The following SVIL variants were observed in gnomAD, a reference collection of about 807,000 sequenced individuals.
SVIL encodes supervillin.
SVIL carries 101 observed loss-of-function variants against 240.4 expected under a neutral mutation model. That is an observed-to-expected ratio of 0.42 (90% CI 0.36 to 0.50). SVIL has a LOEUF of 0.50. Ranked by LOEUF, SVIL falls within the 20% of genes least tolerant of loss-of-function variation. The pLI is 0.01. For synonymous variants in SVIL, 999 were observed against 1,100.0 expected, an observed-to-expected ratio of 0.91 and a Z score of 1.82; for missense variants, 2,512 against 2,818.7, an observed-to-expected ratio of 0.89 and a Z score of 2.46.
chr10:29,582,307 T>C (rs1245329935), intron 1 of SVIL, among the ~76,000 whole-genome samples: 1 of 152,190 alleles, frequency 6.6e-6, no homozygotes, highest in African/African-American at 2.4e-5. Flanking sequence ...GCTGAGCACC[T>C]GGAGAACAGC....
At position 29,533,244 on chromosome 10, in the gene SVIL, G is replaced by A; in HGVS notation, c.1123C>T (p.His375Tyr). 1 of 1,614,134 alleles carries A rather than the reference G, an allele frequency of 6.2e-7. No homozygotes were observed. The highest frequency in any genetic ancestry group is 8.5e-7 in the Non-Finnish European group (1 of 1,180,034). ...RGYVQPADTG[H>Y]TAKLVTPETP... ...TCTGGCGTCACTAGCTTGGCGGTGT[G>A]ACCGGTATCTGCGGGTTGGACATAG... Residue 375 changes from histidine to tyrosine, a missense_variant, in exon 8 of 38, where the codon CAC becomes TAC. Coordinates refer to ENST00000355867, the MANE Select transcript of SVIL (RefSeq NM_021738.3).
At chr10:29,595,440 C>T (rs562143867) in intron 1 of SVIL, among the ~76,000 whole-genome samples, 36 of 152,284 alleles carry the variant, frequency 2.4e-4, no homozygotes, top group Admixed American at 4.6e-4. Flanking sequence ...CAGAAAGGCA[C>T]GTGCCCAGTG....
intron 3 of SVIL, among the ~76,000 whole-genome samples, chr10:29,654,386 T>C (rs1374351896): frequency 6.6e-6 from 1 of 152,236 alleles, no homozygotes; most frequent in Non-Finnish European, 1.5e-5. Context: ...ATTAATCTTA[T>C]GTCCTGCAAT....
At chr10:29,519,488 A>G (rs1950429933) in intron 16 of SVIL, among the ~76,000 whole-genome samples, 1 of 152,236 alleles carries the variant, frequency 6.6e-6, no homozygotes. Context: ...ATGGAGGAAT[A>G]ACATTCTTAT....
At chr10:29,646,274 C>G (rs1216179123) in intron 3 of SVIL, among the ~76,000 whole-genome samples, 1 of 152,192 alleles carries the variant, frequency 6.6e-6, no homozygotes, top group East Asian at 1.9e-4. Flanking sequence ...GTTCCACATG[C>G]CTGAATTGGT....
chr10:29,474,323 T>C (rs1490475977), intron 29 of SVIL, among the ~76,000 whole-genome samples: 1 of 152,182 alleles, frequency 6.6e-6, no homozygotes, highest in Non-Finnish European at 1.5e-5. Context: ...AAATATTTGG[T>C]GAGGCCAGGT....
At chr10:29,538,148 A>G (rs1414440323) in intron 6 of SVIL, among the ~76,000 whole-genome samples, 1 of 152,228 alleles carries the variant, frequency 6.6e-6, no homozygotes, top group African/African-American at 2.4e-5. Context: ...GTTTAGGCTG[A>G]ATGCTTTCTG....
At position 29,552,917 on chromosome 10, in the gene SVIL, C is replaced by T. The variant is rs553015086; in HGVS notation, c.161-1654G>A. ...ACATATACTACACAGATTACCATTT[C>T]GGGTACACTACGGTTTATTTCTGGC... On this transcript the variant is annotated intron_variant, in intron 5 of 37. Transcript: ENST00000355867. Among the ~76,000 whole-genome samples the T allele has an allele frequency of 2.9e-3, 443 of 152,206 alleles. 3 individuals are homozygous for T. The highest frequency in any genetic ancestry group is 9.9e-3 in the African/African-American group (412 of 41,518).
intron 6 of SVIL, 50 bp downstream of exon 6, chr10:29,550,547 A>G (rs568956646): frequency 1.3e-6 from 2 of 1,494,542 alleles, no homozygotes; most frequent in East Asian, 2.4e-5. Context: ...AGAGGCAAAA[A>G]GAAGGTATTG....
chr10:29,616,932 A>G (rs1248003031), intron 1 of SVIL, among the ~76,000 whole-genome samples: 1 of 152,204 alleles, frequency 6.6e-6, no homozygotes, highest in Non-Finnish European at 1.5e-5. Context: ...CATGTTGGCC[A>G]AGCTAGTCTT....
Position 29,532,169 on chromosome 10 carries a change from T to A in SVIL, c.1842A>T (p.Lys614Asn), listed in dbSNP as rs1047533298. The part of the protein sequence containing the change: ...SANACRRPEL[K>N]SRVERSAEGP... The stretch of plus-strand genomic sequence containing the variant: ...CTTCAGCCGACCTCTCCACCCGTGA[T>A]TTGCTTTGAGAATCAAAGGGCAGAG... The change falls in exon 9 of 38, where the codon AAA becomes AAT. Residue 614 changes from lysine to asparagine, a missense_variant. Lys to Asn is a moderately conservative substitution (Grantham distance 94). Transcript: ENST00000355867. The A allele has an allele frequency of 6.2e-7, 1 of 1,613,358 alleles. No homozygotes were observed.
rs1564706963 is a variant in SVIL, at chr10:29,618,925, C to A, written c.-201+15495G>T. Among the ~76,000 whole-genome samples, 3 of 152,224 alleles carry A rather than the reference C, an allele frequency of 2.0e-5. No homozygotes were observed. The East Asian group carries it at 5.8e-4, about 29-fold the overall frequency. ...ACCTTAACACAGAGAGCCAGTGTGG[C>A]CACCAAGTGCTCCACTGCCCCTTAA... On this transcript the variant is annotated intron_variant, in intron 1 of 37. Transcript: ENST00000355867.
chr10:29,544,896 T>G, intron 6 of SVIL: 1 of 452,972 alleles, frequency 2.2e-6, no homozygotes, highest in Non-Finnish European at 4.6e-6. Context: ...CACAGGTGTT[T>G]GGGGGTACAG....
At chr10:29,493,646 G>C (rs1948170300) in intron 20 of SVIL, among the ~76,000 whole-genome samples, 2 of 151,980 alleles carry the variant, frequency 1.3e-5, no homozygotes, top group African/African-American at 4.8e-5. Context: ...CCCACTGAAC[G>C]CTTCTGAACC....
chr10:29,633,621 ACTGCCCGTAC>A (rs927212399), intron 1 of SVIL, among the ~76,000 whole-genome samples: 2 of 151,952 alleles, frequency 1.3e-5, no homozygotes, highest in Non-Finnish European at 1.5e-5. Context: ...AAAAATAATG[ACTGCCCGTAC>A]TTGTCCATCT....
At chr10:29,595,106 G>T (rs1956534442) in intron 1 of SVIL, among the ~76,000 whole-genome samples, 1 of 152,216 alleles carries the variant, frequency 6.6e-6, no homozygotes, top group African/African-American at 2.4e-5. Context: ...AGCTAGACTG[G>T]TCTTCTCTGT....
chr10:29,624,321 T>G (rs1957782608), intron 1 of SVIL, among the ~76,000 whole-genome samples: 1 of 152,136 alleles, frequency 6.6e-6, no homozygotes, highest in African/African-American at 2.4e-5. Context: ...GTGGATCACC[T>G]GAGGTCAGGA....
At position 29,470,273 on chromosome 10, in the gene SVIL, C is replaced by CA; in HGVS notation, c.5843+2dup. The CA allele has an allele frequency of 6.2e-7, 1 of 1,614,234 alleles. No individual in the cohort carries two copies. The highest frequency in any genetic ancestry group is 1.6e-4 in the Middle Eastern group (1 of 6,062). ...GGGGACTCGCCGCAGACACAACACTCACTGTTCCTTGATCTTGTTCGCAGC... is the reference window on the plus strand; with the variant it reads ...GGGGACTCGCCGCAGACACAACACTCAACTGTTCCTTGATCTTGTTCGCAGC... On this transcript the variant is annotated splice_region_variant and intron_variant, in intron 32 of 37. Transcript: ENST00000355867.
intron 20 of SVIL, among the ~76,000 whole-genome samples, chr10:29,493,906 G>A (rs1588971624): frequency 6.6e-6 from 1 of 152,178 alleles, no homozygotes; most frequent in East Asian, 1.9e-4. Context: ...TGGGCATGGT[G>A]GCTTACGCTT....
Sources: allele counts gnomAD v4.1 joint callset (sites outside exome capture counted in the v4.1 genomes callset), GRCh38; gene constraint gnomAD v4.1.1; transcripts MANE v1.5; gene names NCBI Gene and HGNC (gene_info 2026-07-23, HGNC 2026-07-21).